The following SYT1 variants were observed in gnomAD, a reference collection of about 807,000 sequenced individuals.
SYT1 encodes the protein synaptotagmin 1.
A neutral mutation model predicts 44.8 loss-of-function variants in SYT1; 8 were observed. That is an observed-to-expected ratio of 0.18 (90% CI 0.10 to 0.32). SYT1 has a LOEUF of 0.32. Among genes scored for constraint, SYT1 ranks in the 10% least tolerant of loss-of-function variants. SYT1 has a pLI of 1.00. For synonymous variants in SYT1, 154 were observed against 188.8 expected, an observed-to-expected ratio of 0.82 and a Z score of 1.51; for missense variants, 286 against 509.3, an observed-to-expected ratio of 0.56 and a Z score of 4.22.
At chr12:78,960,824 G>C (rs1197018682) in intron 1 of SYT1, 1 of 152,078 alleles carries the variant, frequency 6.6e-6, no homozygotes, top group African/African-American at 2.4e-5. Flanking sequence ...AAAAATATTA[G>C]TTTATACTTG....
At chr12:79,350,402 G>A (rs531625290) in intron 8 of SYT1, among the ~76,000 whole-genome samples, 2 of 151,904 alleles carry the variant, frequency 1.3e-5, no homozygotes, top group Admixed American at 6.6e-5. Flanking sequence ...ACAGGCGCCC[G>A]CCACCATGCC....
intron 3 of SYT1, among the ~76,000 whole-genome samples, chr12:79,138,025 G>A (rs560212868): frequency 1.8e-4 from 27 of 152,128 alleles, no homozygotes; most frequent in African/African-American, 5.5e-4. Flanking sequence ...TAACCATCAC[G>A]TCATTCAATA....
chr12:78,952,815 T>C (rs192258257), intron 1 of SYT1, among the ~76,000 whole-genome samples: 13 of 152,250 alleles, frequency 8.5e-5, no homozygotes, highest in African/African-American at 2.9e-4. Context: ...AGACCAACTT[T>C]TCCTAAGTAG....
chr12:79,255,010 T>C (rs980506784), intron 4 of SYT1, among the ~76,000 whole-genome samples: 1 of 152,192 alleles, frequency 6.6e-6, no homozygotes, highest in African/African-American at 2.4e-5. Context: ...AGGATTTGGA[T>C]TACTACATAA....
At chr12:78,915,405 C>T (rs1876593906) in intron 1 of SYT1, among the ~76,000 whole-genome samples, 1 of 151,980 alleles carries the variant, frequency 6.6e-6, no homozygotes, top group Admixed American at 6.6e-5. Flanking sequence ...AATGAAAAAG[C>T]TCTGGCCTCG....
chr12:79,109,166 A>G (rs1477290528), intron 3 of SYT1, among the ~76,000 whole-genome samples: 3 of 152,118 alleles, frequency 2.0e-5, no homozygotes, highest in Non-Finnish European at 4.4e-5. Context: ...AAACAGCACA[A>G]ACTTTTATGG....
chr12:78,905,908 C>A, intron 1 of SYT1, among the ~76,000 whole-genome samples: 1 of 151,688 alleles, frequency 6.6e-6, no homozygotes, highest in South Asian at 2.1e-4. Flanking sequence ...AAGTTTTTTC[C>A]CCCAAAGGGC....
At chr12:79,233,721 G>A (rs1876006673) in intron 4 of SYT1, among the ~76,000 whole-genome samples, 4 of 152,198 alleles carry the variant, frequency 2.6e-5, no homozygotes, top group Admixed American at 1.3e-4. Flanking sequence ...CATCAGTAGT[G>A]AATCTGTTTT....
chr12:79,042,310 A>T (rs1873646203), intron 2 of SYT1, among the ~76,000 whole-genome samples: 1 of 150,298 alleles, frequency 6.7e-6, no homozygotes, highest in Non-Finnish European at 1.5e-5. Context: ...AGATCCTGTT[A>T]TTGGTCTATT....
At chr12:79,264,418 T>A (rs996782324) in intron 4 of SYT1, among the ~76,000 whole-genome samples, 2 of 152,132 alleles carry the variant, frequency 1.3e-5, no homozygotes, top group African/African-American at 4.8e-5. Context: ...CAATGAAAAA[T>A]GATCATTATA....
Position 79,240,857 on chromosome 12 carries a change from A to T in SYT1, c.166+23172A>T, listed in dbSNP as rs545840707. On this transcript the variant is annotated intron_variant, in intron 4 of 10. Coordinates refer to ENST00000261205, the MANE Select transcript of SYT1 (RefSeq NM_005639.3). Reference sequence around the variant, plus strand: ...TTTATAAGAAATATGCATCTAAAAAATGTAGAGGAGAATATTTTATTTAAA... The same window carrying T: ...TTTATAAGAAATATGCATCTAAAAATTGTAGAGGAGAATATTTTATTTAAA... Among the ~76,000 whole-genome samples, 5 of 152,338 alleles carry T rather than the reference A, an allele frequency of 3.3e-5. No individual in the cohort carries two copies. The South Asian group carries it at 1.0e-3, about 32-fold the overall frequency.
chr12:79,148,350 A>AT (rs1870052716), intron 3 of SYT1, among the ~76,000 whole-genome samples: 1 of 152,106 alleles, frequency 6.6e-6, no homozygotes, highest in Non-Finnish European at 1.5e-5. Flanking sequence ...CCATGGAAAT[A>AT]TTTTTCAGTG....
intron 2 of SYT1, among the ~76,000 whole-genome samples, chr12:79,007,323 C>T (rs992429529): frequency 6.6e-6 from 1 of 152,136 alleles, no homozygotes; most frequent in Admixed American, 6.6e-5. Flanking sequence ...TTTCATGGCT[C>T]TTAGTTTATT....
At chr12:79,220,493 T>TCAA (rs1365063285) in intron 4 of SYT1, among the ~76,000 whole-genome samples, 1 of 151,988 alleles carries the variant, frequency 6.6e-6, no homozygotes, top group Non-Finnish European at 1.5e-5. Flanking sequence ...TTCTTGAGGT[T>TCAA]CAACATTAGG....
At chr12:79,204,426 T>G (rs944207894) in intron 3 of SYT1, among the ~76,000 whole-genome samples, 1 of 152,218 alleles carries the variant, frequency 6.6e-6, no homozygotes, top group Admixed American at 6.5e-5. Context: ...TTCTGTCAAG[T>G]GCCTGCAGCT....
At chr12:79,314,132 G>A (rs1880960260) in intron 8 of SYT1, among the ~76,000 whole-genome samples, 1 of 132,386 alleles carries the variant, frequency 7.6e-6, no homozygotes, top group South Asian at 2.4e-4. Flanking sequence ...TCGCGCCACT[G>A]CACTCCAGCC....
intron 1 of SYT1, among the ~76,000 whole-genome samples, chr12:78,903,258 A>G (rs564511720): frequency 6.6e-6 from 1 of 151,240 alleles, no homozygotes; most frequent in Non-Finnish European, 1.5e-5. Context: ...ATTTATACAT[A>G]TACAAAATAT....
At chr12:79,272,687 A>G (rs952666367) in intron 4 of SYT1, among the ~76,000 whole-genome samples, 3 of 152,306 alleles carry the variant, frequency 2.0e-5, no homozygotes, top group Admixed American at 6.5e-5. Context: ...ATGGGAAAGC[A>G]TGTGCTCAAC....
intron 3 of SYT1, among the ~76,000 whole-genome samples, chr12:79,213,157 T>G (rs957554008): frequency 1.3e-5 from 2 of 152,120 alleles, no homozygotes; most frequent in African/African-American, 4.8e-5. Context: ...AAGAATAGAG[T>G]AGAATTGAAT....
Sources: allele counts gnomAD v4.1 joint callset (sites outside exome capture counted in the v4.1 genomes callset), GRCh38; gene constraint gnomAD v4.1.1; transcripts MANE v1.5; gene names NCBI Gene and HGNC (gene_info 2026-07-23, HGNC 2026-07-21).